CENPP: variants seen among roughly 807,000 people sequenced by gnomAD.
CENPP encodes the protein centromere protein P.
Under a neutral mutation model 35.6 loss-of-function variants are expected in CENPP, and 24 were observed. The observed-to-expected ratio is 0.67, with a 90% CI of 0.49 to 0.95. The LOEUF is 0.95. CENPP is among the 40% of genes least tolerant of loss of function. The probability of loss-of-function intolerance (pLI) is 0.00; values close to 1 mark genes in which losing one functional copy is unlikely to be tolerated. For missense variants in CENPP, 332 were observed against 345.3 expected (o/e 0.96, Z 0.31); for synonymous variants, 120 against 125.5 (o/e 0.96, Z 0.29).
chr9:92,390,567 T>A (rs1588086164), intron 5 of CENPP, among the ~76,000 whole-genome samples: 1 of 56,522 alleles, frequency 1.8e-5, no homozygotes, highest in African/African-American at 3.3e-5. Flanking sequence ...AAATTCAGTG[T>A]GTGTGTGTGT....
chr9:92,543,656 C>A (rs1337573819), intron 5 of CENPP, among the ~76,000 whole-genome samples: 1 of 151,926 alleles, frequency 6.6e-6, no homozygotes, highest in African/African-American at 2.4e-5. Context: ...GTCATTCTAA[C>A]AATATTAATG....
At chr9:92,606,027 G>A (rs1253367139) in intron 5 of CENPP, among the ~76,000 whole-genome samples, 4 of 152,100 alleles carry the variant, frequency 2.6e-5, no homozygotes, top group African/African-American at 4.8e-5. Context: ...TATGAAGGCC[G>A]AGGCAGGCAG....
intron 5 of CENPP, among the ~76,000 whole-genome samples, chr9:92,601,008 G>C (rs1243413563): frequency 6.6e-6 from 1 of 152,078 alleles, no homozygotes; most frequent in Non-Finnish European, 1.5e-5. Flanking sequence ...GTGCTCCCTT[G>C]TTTTTTACCA....
chr9:92,517,667 G>C (rs374836833), intron 5 of CENPP: 76 of 1,613,382 alleles, frequency 4.7e-5, no homozygotes, highest in Admixed American at 3.3e-5. Flanking sequence ...CTGATATTTT[G>C]CTTAGCTAAA....
intron 5 of CENPP, among the ~76,000 whole-genome samples, chr9:92,485,212 A>G (rs1272755896): frequency 2.0e-5 from 3 of 152,210 alleles, no homozygotes; most frequent in South Asian, 2.1e-4. Flanking sequence ...TCCCTCAAGT[A>G]TTGTGAAGAG....
upstream of CENPP, chr9:92,325,904 G>A: frequency 9.3e-7 from 1 of 1,074,378 alleles, no homozygotes; most frequent in Non-Finnish European, 1.4e-6. Context: ...GGGATGGTCC[G>A]CGCCGGGAGC....
intron 5 of CENPP, among the ~76,000 whole-genome samples, chr9:92,568,460 C>T (rs1202245688): frequency 6.6e-6 from 1 of 152,074 alleles, no homozygotes; most frequent in Non-Finnish European, 1.5e-5. Flanking sequence ...GTATATGTGC[C>T]ACATTTTCTT....
intron 5 of CENPP, chr9:92,505,596 G>C (rs1846953333): frequency 1.2e-6 from 2 of 1,610,730 alleles, no homozygotes; most frequent in Non-Finnish European, 1.7e-6. Flanking sequence ...GACGCAAGTA[G>C]GCTAGGCTCT....
chr9:92,555,757 GAAGTT>G (rs1424629342), intron 5 of CENPP, among the ~76,000 whole-genome samples: 2 of 152,116 alleles, frequency 1.3e-5, no homozygotes, highest in African/African-American at 2.4e-5. Flanking sequence ...GTTTCTTAGT[GAAGTT>G]ATTTGGATTT....
chr9:92,330,684 CTTTG>C (rs1225856762), intron 1 of CENPP, among the ~76,000 whole-genome samples: 5 of 114,388 alleles, frequency 4.4e-5, no homozygotes, highest in African/African-American at 8.0e-5. Context: ...TTTTTCTTTT[CTTTG>C]TTTTTTTTTT....
intron 5 of CENPP, among the ~76,000 whole-genome samples, chr9:92,426,286 A>G (rs1292983220): frequency 1.3e-5 from 2 of 152,204 alleles, no homozygotes; most frequent in African/African-American, 2.4e-5. Context: ...ATTATATGCT[A>G]TGATTATACT....
intron 5 of CENPP, chr9:92,495,786 G>C (rs542013178): frequency 7.4e-6 from 7 of 950,946 alleles, no homozygotes; most frequent in Non-Finnish European, 8.8e-6. Context: ...TGGAAGAAAT[G>C]AAAGCTACCC....
chr9:92,328,533 C>T (rs546107800), intron 1 of CENPP, among the ~76,000 whole-genome samples: 1 of 152,240 alleles, frequency 6.6e-6, no homozygotes, highest in South Asian at 2.1e-4. Context: ...GCTGTGAGGA[C>T]TAATTGAGTT....
Position 92,337,632 on chromosome 9 carries a change from A to T in CENPP, c.378+3A>T. The T allele has an allele frequency of 6.5e-7, 1 of 1,541,818 alleles. No individual in the cohort carries two copies. The highest frequency in any genetic ancestry group is 9.0e-7 in the Non-Finnish European group (1 of 1,114,244). On this transcript the variant is annotated splice_donor_region_variant and intron_variant, in intron 3 of 7. Transcript: ENST00000375587. The stretch of plus-strand genomic sequence containing the variant: ...AATTTCAGATTCTGGAAATTCAGGT[A>T]AATTAAGAAGCATGTTGTGATAACA...
At chr9:92,372,346 CTG>C (rs928885689) in intron 4 of CENPP, among the ~76,000 whole-genome samples, 1 of 151,716 alleles carries the variant, frequency 6.6e-6, no homozygotes, top group African/African-American at 2.4e-5. Flanking sequence ...AGAATTTAAT[CTG>C]TTTATGTTCC....
At chr9:92,534,063 A>G (rs1849021764) in intron 5 of CENPP, among the ~76,000 whole-genome samples, 1 of 152,016 alleles carries the variant, frequency 6.6e-6, no homozygotes, top group Non-Finnish European at 1.5e-5. Context: ...TTTTTTTCCT[A>G]TACAAGCTCT....
In CENPP at chr9:92,337,567, A is replaced by G. The variant is rs1270809437; in HGVS notation, c.316A>G (p.Arg106Gly). ...KSIRKVLQRH[R>G]LSGNCHMVTF... Reference sequence around the variant, plus strand: ...TATTAGAAAAGTTCTACAGAGACACAGATTATCAGGAAATTGCCACATGGT... The same window carrying G: ...TATTAGAAAAGTTCTACAGAGACACGGATTATCAGGAAATTGCCACATGGT... Residue 106 changes from arginine (R) to glycine (G), a missense_variant, in exon 3 of 8, where the codon AGA becomes GGA. Arg to Gly is a moderately radical substitution (Grantham distance 125). Transcript: ENST00000375587. 8.1e-6 allele frequency: 13 copies of G among 1,607,842 alleles called. No homozygotes were observed. Among genetic ancestry groups the G allele is most frequent in the Non-Finnish European group, 1.1e-5 (13 of 1,174,516 alleles).
chr9:92,505,076 A>G (rs1304655196), intron 5 of CENPP, among the ~76,000 whole-genome samples: 1 of 152,234 alleles, frequency 6.6e-6, no homozygotes, highest in Non-Finnish European at 1.5e-5. Flanking sequence ...CCTTCTTTGT[A>G]CAACACTTGT....
rs1851393047 is a variant in CENPP, at chr9:92,615,140, T to C, written c.*1991T>C. 6.6e-6 allele frequency: 1 copy of C among 152,100 alleles called. No homozygotes were observed. Among genetic ancestry groups the C allele is most frequent in the African/African-American group, 2.4e-5 (1 of 41,376 alleles). The allele number at this position is 152,100 out of a possible 1,614,324, so 9.4% of individuals were successfully genotyped here. On this transcript the variant is annotated 3_prime_UTR_variant, in exon 8 of 8. Coordinates refer to ENST00000375587, the MANE Select transcript of CENPP (RefSeq NM_001012267.3). ...GCTCATCTCCCCCTCATGTGAAAGA[T>C]TAAATTGTAAAGCAAAAAAAAAAAG...
Sources: gnomAD v4.1 joint callset for allele counts (sites outside exome capture counted in the v4.1 genomes callset) on GRCh38, gnomAD v4.1.1 for gene constraint, MANE v1.5 for transcripts, NCBI Gene and HGNC (gene_info 2026-07-23, HGNC 2026-07-21) for gene names.